LYPD6B: variants seen among roughly 807,000 people sequenced by gnomAD.
The protein encoded by LYPD6B is ly6/PLAUR domain-containing protein 6B.
A neutral mutation model predicts 22.8 loss-of-function variants in LYPD6B; 17 were observed. The ratio of observed to expected loss-of-function variants is 0.75; its 90% confidence interval spans 0.51 to 1.12. The LOEUF is 1.12. LYPD6B is among the 50% of genes most tolerant of loss of function. LYPD6B has a pLI of 0.00. For missense variants in LYPD6B, 221 were observed against 258.3 expected, an observed-to-expected ratio of 0.86 and a Z score of 0.99; for synonymous variants, 106 against 91.6, an observed-to-expected ratio of 1.16 and a Z score of -0.90.
rs62188320 is a variant in LYPD6B at position 149,157,324 on chromosome 2, A to G, written c.6-3440A>G. 1.3e-5 allele frequency among the ~76,000 whole-genome samples: 2 copies of G among 152,048 alleles called. 1 individual carries two copies. On this transcript the variant is annotated intron_variant, in intron 2 of 6. Coordinates refer to ENST00000409642, the MANE Select transcript of LYPD6B (RefSeq NM_177964.5). ...ACCTATTGCTCTAGAAGTCAGTCTA[A>G]AAACACACAGGAGGAACTCAAGACT... is the stretch of plus-strand genomic sequence containing the variant.
At chr2:149,076,058 C>T (rs1394699175) in intron 1 of LYPD6B, among the ~76,000 whole-genome samples, 2 of 151,936 alleles carry the variant, frequency 1.3e-5, no homozygotes, top group African/African-American at 2.4e-5. Flanking sequence ...AGTTTAGGAA[C>T]GTGAACTGTC....
intron 1 of LYPD6B, among the ~76,000 whole-genome samples, chr2:149,046,704 T>C (rs1305638680): frequency 6.6e-6 from 1 of 152,152 alleles, no homozygotes; most frequent in African/African-American, 2.4e-5. Context: ...GTTAATAATA[T>C]GTATCTTTAA....
chr2:149,052,753 C>T (rs543817586), intron 1 of LYPD6B, among the ~76,000 whole-genome samples: 1 of 152,218 alleles, frequency 6.6e-6, no homozygotes, highest in South Asian at 2.1e-4. Context: ...CTTTTTGAGT[C>T]CCCTTCTTCC....
At chr2:149,147,670 C>T (rs183951477) in intron 2 of LYPD6B, among the ~76,000 whole-genome samples, 100 of 152,218 alleles carry the variant, frequency 6.6e-4, no homozygotes, top group African/African-American at 2.1e-3. Flanking sequence ...AGCGCCACCA[C>T]GCCCGGCTAA....
chr2:149,208,888 C>G (rs1693668639), intron 5 of LYPD6B, among the ~76,000 whole-genome samples: 2 of 152,320 alleles, frequency 1.3e-5, no homozygotes, highest in Admixed American at 1.3e-4. Flanking sequence ...ATGGAAGCCT[C>G]TGATTAGATA....
rs551925798 is a variant in LYPD6B, at chr2:149,171,973, C to T, written c.77+11138C>T. ...CTCTGCCCTTTTGGCTCATTTCCTC[C>T]TCATTTTCCGTATGCCTCTGTATTA... is the stretch of plus-strand genomic sequence containing the variant. On this transcript the variant is annotated intron_variant, in intron 3 of 6. Coordinates refer to ENST00000409642, the MANE Select transcript of LYPD6B (RefSeq NM_177964.5). Among the ~76,000 whole-genome samples, 219 of 143,962 alleles carry T rather than the reference C, an allele frequency of 1.5e-3. 2 individuals are homozygous for T. Among genetic ancestry groups the T allele is most frequent in the African/African-American group, 4.6e-3 (189 of 40,980 alleles). 94.4% of individuals were successfully genotyped at this position (143,962 alleles called of 152,430 possible). A position where few individuals can be genotyped will look rare whatever the true frequency, so the allele number is the denominator to read the frequency against.
intron 3 of LYPD6B, among the ~76,000 whole-genome samples, chr2:149,171,855 G>A (rs1252069834): frequency 6.6e-6 from 1 of 152,058 alleles, no homozygotes; most frequent in African/African-American, 2.4e-5. Flanking sequence ...ATCTATGTGA[G>A]AGCCCATGGC....
intron 1 of LYPD6B, among the ~76,000 whole-genome samples, chr2:149,107,959 A>G (rs185867873): frequency 6.6e-5 from 10 of 152,274 alleles, no homozygotes; most frequent in Non-Finnish European, 8.8e-5. Context: ...TTACATTTCA[A>G]TTATAATGGT....
At chr2:149,178,280 C>T (rs760629625) in intron 3 of LYPD6B, among the ~76,000 whole-genome samples, 2 of 152,164 alleles carry the variant, frequency 1.3e-5, no homozygotes, top group Non-Finnish European at 2.9e-5. Context: ...TTTCCTCTAT[C>T]GCCATCCAAT....
chr2:149,140,612 C>T (rs412338), intron 2 of LYPD6B, among the ~76,000 whole-genome samples: 97,199 of 152,132 alleles, frequency 0.64, 31,169 homozygotes, highest in South Asian at 0.76. Context: ...TTCAAATAAT[C>T]TCTTTAAGCT....
chr2:149,154,240 C>T (rs558107161), intron 2 of LYPD6B, among the ~76,000 whole-genome samples: 4 of 151,166 alleles, frequency 2.6e-5, no homozygotes, highest in South Asian at 2.1e-4. Context: ...GACTGTTATC[C>T]TTATAAGAGA....
At chr2:149,138,537 A>G (rs1688500161) in intron 2 of LYPD6B, among the ~76,000 whole-genome samples, 1 of 152,160 alleles carries the variant, frequency 6.6e-6, no homozygotes, top group Admixed American at 6.5e-5. Context: ...TTTTCAGCAG[A>G]GGAGGTTTTC....
intron 5 of LYPD6B, among the ~76,000 whole-genome samples, chr2:149,210,155 T>C (rs780759955): frequency 2.0e-5 from 3 of 152,212 alleles, no homozygotes; most frequent in Non-Finnish European, 4.4e-5. Context: ...TCTAGGTCTG[T>C]ACATAATGCT....
intron 2 of LYPD6B, among the ~76,000 whole-genome samples, chr2:149,146,918 G>A (rs1213530404): frequency 2.0e-5 from 3 of 152,148 alleles, no homozygotes; most frequent in Non-Finnish European, 4.4e-5. Context: ...CACTGTCAGG[G>A]CACAAGAAAG....
intron 1 of LYPD6B, among the ~76,000 whole-genome samples, chr2:149,088,611 A>G (rs1045648531): frequency 6.6e-6 from 1 of 152,204 alleles, no homozygotes; most frequent in East Asian, 1.9e-4. Context: ...TAGGTACACA[A>G]TAATTTCTGC....
intron 4 of LYPD6B, among the ~76,000 whole-genome samples, chr2:149,206,464 A>C (rs999434920): frequency 3.3e-5 from 5 of 152,154 alleles, no homozygotes; most frequent in African/African-American, 1.2e-4. Flanking sequence ...ACCATTATAC[A>C]TTTCTAAATT....
intron 3 of LYPD6B, among the ~76,000 whole-genome samples, chr2:149,174,626 A>G (rs1445963529): frequency 1.3e-5 from 2 of 152,166 alleles, no homozygotes; most frequent in Non-Finnish European, 2.9e-5. Flanking sequence ...CCTTTTCTGC[A>G]TCTATTGAGA....
At chr2:149,197,733 C>T (rs1454522163) in intron 3 of LYPD6B, among the ~76,000 whole-genome samples, 1 of 152,200 alleles carries the variant, frequency 6.6e-6, no homozygotes, top group Non-Finnish European at 1.5e-5. Flanking sequence ...AAGGGAAATG[C>T]ACAGCTGAGT....
At chr2:149,193,054 C>T (rs1559069086) in intron 3 of LYPD6B, among the ~76,000 whole-genome samples, 1 of 152,044 alleles carries the variant, frequency 6.6e-6, no homozygotes, top group East Asian at 1.9e-4. Flanking sequence ...TCATCTTTGC[C>T]ATCAGTGGAT....
Sources: allele counts gnomAD v4.1 joint callset (sites outside exome capture counted in the v4.1 genomes callset), GRCh38; gene constraint gnomAD v4.1.1; transcripts MANE v1.5; gene names NCBI Gene and HGNC (gene_info 2026-07-23, HGNC 2026-07-21).